Variants in USPL1 observed in about 807,000 individuals in gnomAD.
USPL1 encodes the protein ubiquitin specific peptidase like 1.
A neutral mutation model predicts 51.5 loss-of-function variants in USPL1; 27 were observed. That is an observed-to-expected ratio of 0.52 (90% CI 0.39 to 0.72). The LOEUF (loss-of-function observed/expected upper bound fraction) is 0.72. USPL1 is among the 30% of genes least tolerant of loss of function. USPL1 has a pLI of 0.00. For missense variants in USPL1, 1,226 were observed against 1,268.0 expected (o/e 0.97, Z 0.50); for synonymous variants, 451 against 459.6 (o/e 0.98, Z 0.24).
chr13:30,650,905 G>A (rs1426100645), intron 7 of USPL1, among the ~76,000 whole-genome samples: 2 of 151,890 alleles, frequency 1.3e-5, no homozygotes, highest in Non-Finnish European at 2.9e-5. Flanking sequence ...CAGGAGAATC[G>A]CTTGAACCCA....
intron 4 of USPL1, among the ~76,000 whole-genome samples, chr13:30,632,981 C>T (rs1950827765): frequency 9.9e-6 from 1 of 101,440 alleles, no homozygotes; most frequent in African/African-American, 4.0e-5. Flanking sequence ...CTATGCGTTT[C>T]CTCCCATCCC....
chr13:30,659,479 G>A lies in USPL1; in HGVS notation c.*123G>A. The A allele has an allele frequency of 1.1e-6, 1 of 902,286 alleles. No individual in the cohort carries two copies. The highest frequency in any genetic ancestry group is 1.7e-5 in the African/African-American group (1 of 59,444). The allele number at this position is 902,286 out of a possible 1,614,324, so 55.9% of individuals were successfully genotyped here. A position where few individuals can be genotyped will look rare whatever the true frequency, so the allele number is the denominator to read the frequency against. ...CTTGTGTAATAACCATGAACAAAAT[G>A]CAAGGTTTAACCTTTGGTTCTGCCC... is the stretch of plus-strand genomic sequence containing the variant. On this transcript the variant is annotated 3_prime_UTR_variant, in exon 9 of 9. Transcript: ENST00000255304.
intron 3 of USPL1, among the ~76,000 whole-genome samples, chr13:30,626,679 T>G (rs559562988): frequency 2.0e-5 from 3 of 152,278 alleles, no homozygotes; most frequent in African/African-American, 7.2e-5. Flanking sequence ...CCTCTTTTAG[T>G]CAGGTATTTA....
At chr13:30,643,609 C>G (rs1185343959) in intron 6 of USPL1, among the ~76,000 whole-genome samples, 1 of 130,598 alleles carries the variant, frequency 7.7e-6, no homozygotes, top group South Asian at 2.5e-4. Context: ...CACCCCCCCC[C>G]GCCCTTTTTT....
chr13:30,627,607 T>C (rs1260513711), intron 3 of USPL1, among the ~76,000 whole-genome samples: 1 of 151,942 alleles, frequency 6.6e-6, no homozygotes, highest in Non-Finnish European at 1.5e-5. Flanking sequence ...AGGATGCATA[T>C]ACCATGATCT....
At position 30,621,855 on chromosome 13, in the gene USPL1, G is replaced by C. The variant is rs768190622; in HGVS notation, c.191G>C (p.Ser64Thr). The change falls in exon 3 of 9, where the codon AGT becomes ACT. Residue 64 changes from serine (S) to threonine (T), a missense_variant. By Grantham distance (58) the Ser-to-Thr change is moderately conservative. Transcript: ENST00000255304. The stretch of plus-strand genomic sequence containing the variant: ...AAAGCCTTAAAGACTTACCGAATTA[G>C]TTTTCAAGAATCTATCTTTTTGTGT... Reference protein sequence around the residue: ...KLKALKTYRISFQESIFLCED... With the variant: ...KLKALKTYRITFQESIFLCED... 6.3e-7 allele frequency: 1 copy of C among 1,579,430 alleles called. No homozygotes were observed.
intron 3 of USPL1, among the ~76,000 whole-genome samples, chr13:30,628,153 C>T (rs1950750214): frequency 6.6e-6 from 1 of 151,502 alleles, no homozygotes; most frequent in African/African-American, 2.4e-5. Context: ...GCCTCAGCCT[C>T]CCAAAGTGCT....
rs886579969 is a variant in USPL1, at chr13:30,625,448, T to G, written c.228+3556T>G. Among the ~76,000 whole-genome samples, 106 of 144,648 alleles carry G rather than the reference T, an allele frequency of 7.3e-4. 1 individual carries two copies. Among genetic ancestry groups the G allele is most frequent in the Admixed American group, 1.5e-3 (22 of 14,708 alleles). The allele number at this position is 144,648 out of a possible 152,430, so 94.9% of individuals were successfully genotyped here. A position where few individuals can be genotyped will look rare whatever the true frequency, so the allele number is the denominator to read the frequency against. On this transcript the variant is annotated intron_variant, in intron 3 of 8. Transcript: ENST00000255304. Reference sequence around the variant, plus strand: ...TTAGTTGGTTTTTTGTTTTTTGTTTTTTTTTTTTTTTTTTTTGAGACGGAG... The same window carrying G: ...TTAGTTGGTTTTTTGTTTTTTGTTTGTTTTTTTTTTTTTTTTGAGACGGAG...
intron 7 of USPL1, among the ~76,000 whole-genome samples, chr13:30,647,358 G>C (rs1372643529): frequency 1.3e-5 from 2 of 152,086 alleles, no homozygotes; most frequent in African/African-American, 4.8e-5. Context: ...TCTGCCAAGT[G>C]TATGGAGTTT....
In USPL1 at chr13:30,631,000, G is replaced by A. The variant is rs753969584; in HGVS notation, c.394G>A (p.Asp132Asn). Residue 132 changes from aspartate to asparagine, a missense_variant, in exon 4 of 9, where the codon GAC (aspartate) becomes AAC (asparagine). By Grantham distance (23) the Asp-to-Asn change is conservative. Coordinates refer to ENST00000255304, the MANE Select transcript of USPL1 (RefSeq NM_005800.5). Reference protein sequence around the residue: ...SKKTRNYIAIDGGKVLNSKHN... With the variant: ...SKKTRNYIAINGGKVLNSKHN... ...AAAGACTAGAAATTATATTGCTATT[G>A]ACGGTGGAAAAGTTTTGAACAGCAA... 9.9e-6 allele frequency: 16 copies of A among 1,614,040 alleles called. No individual in the cohort carries two copies. Among genetic ancestry groups the A allele is most frequent in the Non-Finnish European group, 1.4e-5 (16 of 1,180,022 alleles).
intron 8 of USPL1, among the ~76,000 whole-genome samples, chr13:30,654,735 G>A (rs1388753486): frequency 6.6e-6 from 1 of 152,046 alleles, no homozygotes; most frequent in Non-Finnish European, 1.5e-5. Context: ...GCATCTCTGA[G>A]TATATTTTGT....
At chr13:30,651,019 A>T (rs1593389873) in intron 7 of USPL1, among the ~76,000 whole-genome samples, 1 of 151,686 alleles carries the variant, frequency 6.6e-6, no homozygotes, top group African/African-American at 2.4e-5. Flanking sequence ...AAAAAAAAAA[A>T]TTTCATAGTT....
intron 8 of USPL1, among the ~76,000 whole-genome samples, chr13:30,654,822 CTT>C (rs994766618): frequency 2.6e-5 from 4 of 151,746 alleles, no homozygotes; most frequent in Non-Finnish European, 4.4e-5. Flanking sequence ...AGTTATGTGA[CTT>C]TTTTTAATTC....
At position 30,637,839 on chromosome 13, in the gene USPL1, C is replaced by T; in HGVS notation, c.964C>T (p.Gln322Ter). The change falls in exon 5 of 9, where the codon CAG becomes TAG. Residue 322 changes from glutamine to a stop codon, truncating the protein, a stop_gained. Transcript: ENST00000255304. LOFTEE classifies it high-confidence loss of function. ...RDEIFISLQP[Q>*]LRCTLGDMES... ...TGAAATTTTTATTAGCCTTCAGCCC[C>T]AGCTTAGATGCACATTAGGTAAGTA... The T allele has an allele frequency of 6.2e-7, 1 of 1,613,400 alleles. No individual in the cohort carries two copies. The highest frequency in any genetic ancestry group is 8.5e-7 in the Non-Finnish European group (1 of 1,179,588).
chr13:30,657,070 C>T (rs1951174198), intron 8 of USPL1, among the ~76,000 whole-genome samples: 3 of 152,172 alleles, frequency 2.0e-5, no homozygotes, highest in Non-Finnish European at 2.9e-5. Context: ...TTTGGTAGTG[C>T]ATCCTACTGC....
chr13:30,650,406 A>C (rs1160115385), intron 7 of USPL1, among the ~76,000 whole-genome samples: 1 of 151,912 alleles, frequency 6.6e-6, no homozygotes, highest in Non-Finnish European at 1.5e-5. Flanking sequence ...GTGAAACCGC[A>C]TCTCTACTAA....
chr13:30,637,786 T>C lies in USPL1; in HGVS notation c.911T>C (p.Ile304Thr), dbSNP rs773135521. 4.3e-6 allele frequency: 7 copies of C among 1,613,606 alleles called. No homozygotes were observed. The highest frequency in any genetic ancestry group is 3.4e-6 in the Non-Finnish European group (4 of 1,179,806). ...KKLTSEIFAEIETCLNEVRDE... is the reference protein window; with the variant it reads ...KKLTSEIFAETETCLNEVRDE... Reference sequence around the variant, plus strand: ...CTTACCTCAGAAATATTTGCAGAGATAGAGACCTGTCTGAATGAAGTTAGA... The same window carrying C: ...CTTACCTCAGAAATATTTGCAGAGACAGAGACCTGTCTGAATGAAGTTAGA... The change falls in exon 5 of 9, where the codon ATA becomes ACA. Residue 304 changes from isoleucine to threonine, a missense_variant. Physicochemically the swap from Ile to Thr is moderately conservative, Grantham distance 89 (BLOSUM62 -1). Transcript: ENST00000255304.
At position 30,653,304 on chromosome 13, in the gene USPL1, T is replaced by C; in HGVS notation, c.1395T>C (p.Asp465=). The change falls in exon 8 of 9, where the codon GAT becomes GAC. Residue 465 remains aspartate (D), a splice_region_variant and synonymous_variant. Transcript: ENST00000255304. ...TTATAACATGGATTTTAGATGCTGA[T>C]GGTAAGTGTTTAGAGGTTTTCTTTT... ...NHFITWILDA[D]GSWLECDDLK... The C allele has an allele frequency of 6.3e-7, 1 of 1,592,268 alleles. No individual in the cohort carries two copies. The highest frequency in any genetic ancestry group is 8.6e-7 in the Non-Finnish European group (1 of 1,164,344).
Position 30,658,768 on chromosome 13 carries a change from G to A in USPL1, c.2691G>A (p.Lys897=). The change falls in exon 9 of 9, where the codon AAG becomes AAA. Residue 897 remains lysine, a synonymous_variant. Transcript: ENST00000255304. Reference sequence around the variant, plus strand: ...GTCTAAAACTTCGTAAAAAGCTAAAGGCAGAAAAGAAGAAATTAGCTGCTC... The same window carrying A: ...GTCTAAAACTTCGTAAAAAGCTAAAAGCAGAAAAGAAGAAATTAGCTGCTC... ...KLRLKLRKKL[K]AEKKKLAALM... is the part of the protein sequence containing the mutation. The A allele has an allele frequency of 5.0e-6, 8 of 1,614,092 alleles. No homozygotes were observed. The highest frequency in any genetic ancestry group is 6.8e-6 in the Non-Finnish European group (8 of 1,180,038).
Sources: gnomAD v4.1 joint callset for allele counts (sites outside exome capture counted in the v4.1 genomes callset) on GRCh38, gnomAD v4.1.1 for gene constraint, MANE v1.5 for transcripts, NCBI Gene and HGNC (gene_info 2026-07-23, HGNC 2026-07-21) for gene names.